SYTL5: variants seen among roughly 807,000 people sequenced by gnomAD.
SYTL5 encodes synaptotagmin like 5, also known as synaptotagmin-like protein 5.
Under a neutral mutation model 55.9 loss-of-function variants are expected in SYTL5, and 34 were observed. That is an observed-to-expected ratio of 0.61 (90% CI 0.46 to 0.81). The LOEUF (loss-of-function observed/expected upper bound fraction) is 0.81. SYTL5 is among the 30% of genes least tolerant of loss of function. SYTL5 has a pLI of 0.00. For synonymous variants in SYTL5, 221 were observed against 188.7 expected (o/e 1.17, Z -1.40); for missense variants, 637 against 546.7 (o/e 1.17, Z -1.65).
intron 2 of SYTL5, among the ~76,000 whole-genome samples, chrX:38,034,460 A>G (rs993330620): frequency 1.8e-5 from 2 of 112,396 alleles, no homozygotes; most frequent in Non-Finnish European, 3.8e-5. Context: ...TAAGTGTTCA[A>G]TAAATGTTAG....
At chrX:38,121,005 G>A (rs370136839) in intron 14 of SYTL5, among the ~76,000 whole-genome samples, 1 of 111,946 alleles carries the variant, frequency 8.9e-6, no homozygotes, top group East Asian at 2.8e-4. Flanking sequence ...GGCTATGTAG[G>A]AAGCATAAAA....
chrX:37,960,810 A>ATTTTTTTATTTT, the SYTL5 span, among the ~76,000 whole-genome samples: 88 of 88,581 alleles, frequency 9.9e-4, 2 homozygotes, highest in African/African-American at 3.4e-3. Context: ...TTATTTATTT[A>ATTTTTTTATTTT]TTTGAGATGG....
chrX:37,997,942 G>A, the SYTL5 span, among the ~76,000 whole-genome samples: 2 of 112,241 alleles, frequency 1.8e-5, no homozygotes, highest in South Asian at 3.7e-4. Flanking sequence ...ACAAATGTTG[G>A]GACCACCAGC....
chrX:38,071,666 T>C (rs946540808), intron 3 of SYTL5, among the ~76,000 whole-genome samples: 2 of 111,795 alleles, frequency 1.8e-5, no homozygotes, highest in Non-Finnish European at 3.8e-5. Flanking sequence ...TATCCACTAA[T>C]GCAGTGGTTA....
At chrX:37,890,133 C>A in the SYTL5 span, among the ~76,000 whole-genome samples, 4 of 110,398 alleles carry the variant, frequency 3.6e-5, no homozygotes, top group Non-Finnish European at 5.7e-5. Flanking sequence ...CTTAACAGGA[C>A]CTTTTTAGGA....
intron 6 of SYTL5, among the ~76,000 whole-genome samples, chrX:38,087,155 C>T (rs1936676650): frequency 9.0e-6 from 1 of 111,409 alleles, no homozygotes; most frequent in African/African-American, 3.3e-5. Context: ...TGGTTCATAA[C>T]TTCTTGGGTC....
In SYTL5 at chrX:38,008,007, C is replaced by A. The variant is rs773483624; in HGVS notation, c.-357+1339C>A. Among the ~76,000 whole-genome samples, 18 of 111,536 alleles carry A rather than the reference C, an allele frequency of 1.6e-4. No homozygotes were observed. The East Asian group carries it at 5.0e-3, about 31-fold the overall frequency. On this transcript the variant is annotated intron_variant, in intron 1 of 16. Transcript: ENST00000297875. ...TTTAGTGAATAAAATTATTGAGCTT[C>A]TACCTCTTTTCTTTTGGAGGCCCAT...
intron 3 of SYTL5, 60 bp downstream of exon 3, chrX:38,054,482 G>A (rs1270537007): frequency 9.7e-7 from 1 of 1,036,048 alleles, no homozygotes; most frequent in Non-Finnish European, 1.3e-6. Context: ...TTGGAGTGGG[G>A]AAGGCAAAAG....
intron 1 of SYTL5, among the ~76,000 whole-genome samples, chrX:38,033,034 A>AT (rs1307435916): frequency 5.4e-5 from 6 of 111,780 alleles, no homozygotes; most frequent in Non-Finnish European, 1.1e-4. Context: ...CTGTAACTTA[A>AT]TTTTTTTTAT....
chrX:37,898,917 A>C, the SYTL5 span, among the ~76,000 whole-genome samples: 72 of 112,007 alleles, frequency 6.4e-4, no homozygotes, highest in Non-Finnish European at 1.2e-3. Flanking sequence ...ATCCTGGGCA[A>C]TCTCACCTAA....
Position 38,128,295 on chromosome X carries a change from A to G in SYTL5, c.*1565A>G, listed in dbSNP as rs756418069. ...ATCTTAGGCCAGTGTTCTTTTTTCAATATAGTCCTTGGCATAATGCTATGC... is the reference window on the plus strand; with the variant it reads ...ATCTTAGGCCAGTGTTCTTTTTTCAGTATAGTCCTTGGCATAATGCTATGC... On this transcript the variant is annotated 3_prime_UTR_variant, in exon 17 of 17. Coordinates refer to ENST00000297875, the MANE Select transcript of SYTL5 (RefSeq NM_138780.3). The G allele has an allele frequency of 2.6e-3, 295 of 111,599 alleles. 3 individuals are homozygous for G. The highest frequency in any genetic ancestry group is 8.8e-3 in the African/African-American group (270 of 30,718). 9.2% of individuals were successfully genotyped at this position (111,599 alleles called of 1,213,427 possible). A position where few individuals can be genotyped will look rare whatever the true frequency, so the allele number is the denominator to read the frequency against.
intron 1 of SYTL5, among the ~76,000 whole-genome samples, chrX:38,008,806 C>T (rs773395624): frequency 5.2e-4 from 58 of 111,963 alleles, no homozygotes; most frequent in African/African-American, 1.8e-3. Context: ...AATTCAAGTA[C>T]ATTCATTTAT....
At chrX:38,086,766 G>A (rs192318137) in intron 6 of SYTL5, among the ~76,000 whole-genome samples, 83 of 112,026 alleles carry the variant, frequency 7.4e-4, no homozygotes, top group African/African-American at 2.6e-3. Context: ...CCTTCTAAAT[G>A]AGTTGGCACA....
rs1175628974 is a variant in SYTL5, at chrX:38,106,586, A to G, written c.1156-7A>G. 8.5e-7 allele frequency: 1 copy of G among 1,173,891 alleles called. No individual in the cohort carries two copies. Among genetic ancestry groups the G allele is most frequent in the Non-Finnish European group, 1.1e-6 (1 of 878,755 alleles). ...CTAGAAGCCTTTTTCCATCTTGTTT[A>G]TTCCAGACCAGCCTTAACAGCATGA... On this transcript the variant is annotated splice_polypyrimidine_tract_variant and splice_region_variant and intron_variant, in intron 10 of 16. Coordinates refer to ENST00000297875, the MANE Select transcript of SYTL5 (RefSeq NM_138780.3).
rs758538355 is a variant in SYTL5 at position 38,040,531 on chromosome X, T to A, written c.119+6523T>A. 1.1e-4 allele frequency among the ~76,000 whole-genome samples: 12 copies of A among 107,723 alleles called. No homozygotes were observed. In the South Asian group the frequency reaches 5.2e-3, roughly 47 times the overall value. The allele number at this position is 107,723 out of a possible 115,157, so 93.5% of individuals were successfully genotyped here. ...CCTTCTACTATCTATGTCCAGGAGT[T>A]CAATTGATTTGATTTTTAAATCCCA... On this transcript the variant is annotated intron_variant, in intron 2 of 16. Coordinates refer to ENST00000297875, the MANE Select transcript of SYTL5 (RefSeq NM_138780.3).
chrX:38,081,062 G>A (rs1012127073), intron 6 of SYTL5, among the ~76,000 whole-genome samples: 5 of 112,241 alleles, frequency 4.5e-5, no homozygotes, highest in African/African-American at 6.5e-5. Context: ...TATAATGATC[G>A]TTCGGTGACT....
At chrX:38,108,413 A>G (rs1378200421) in intron 11 of SYTL5, among the ~76,000 whole-genome samples, 187 bp from the exon 12 acceptor site, 3 of 111,378 alleles carry the variant, frequency 2.7e-5, no homozygotes, top group African/African-American at 9.8e-5. Context: ...ATTATACTTT[A>G]CCACTTCTCT....
chrX:38,054,125 T>TATC, intron 2 of SYTL5, 88 bp from the exon 3 acceptor site: 1 of 682,165 alleles, frequency 1.5e-6, no homozygotes, highest in Non-Finnish European at 2.2e-6. Context: ...GCAAATATTC[T>TATC]ATCTATTTTA....
chrX:37,914,494 A>AT, the SYTL5 span, among the ~76,000 whole-genome samples: 3 of 111,677 alleles, frequency 2.7e-5, no homozygotes, highest in Non-Finnish European at 5.6e-5. Context: ...CCCAAAAAAA[A>AT]GCAATACTAC....
Sources: allele counts gnomAD v4.1 joint callset (sites outside exome capture counted in the v4.1 genomes callset), GRCh38; gene constraint gnomAD v4.1.1; transcripts MANE v1.5; gene names NCBI Gene and HGNC (gene_info 2026-07-23, HGNC 2026-07-21).